Variants in ROBO1 observed in about 807,000 individuals in gnomAD.
ROBO1 encodes roundabout homolog 1.
In ROBO1, 149 loss-of-function variants were observed where a neutral mutation model predicts 195.9. The ratio of observed to expected loss-of-function variants is 0.76; its 90% CI spans 0.67 to 0.87. ROBO1 has a LOEUF of 0.87. ROBO1 is among the 40% of genes least tolerant of loss of function. The probability of loss-of-function intolerance (pLI) is 0.00; values close to 1 mark genes in which losing one functional copy is unlikely to be tolerated. For synonymous variants in ROBO1, 816 were observed against 733.2 expected (o/e 1.11, Z -1.82); for missense variants, 1,933 against 2,068.3 (o/e 0.93, Z 1.27).
intron 29 of ROBO1, among the ~76,000 whole-genome samples, chr3:78,602,593 G>T (rs1309630665): frequency 3.9e-5 from 6 of 152,112 alleles, no homozygotes. Flanking sequence ...AAATATAACT[G>T]TCATAAGGGG....
At chr3:79,742,767 C>T (rs989202759) in intron 1 of ROBO1, among the ~76,000 whole-genome samples, 3 of 152,120 alleles carry the variant, frequency 2.0e-5, no homozygotes, top group African/African-American at 4.8e-5. Context: ...CTGGTAATTC[C>T]TTTTCTTATT....
chr3:78,823,143 G>C (rs1401253320), intron 4 of ROBO1, among the ~76,000 whole-genome samples: 1 of 150,946 alleles, frequency 6.6e-6, no homozygotes, highest in East Asian at 1.9e-4. Context: ...TCAGCCTTTT[G>C]TGTTAAAGGA....
intron 2 of ROBO1, among the ~76,000 whole-genome samples, chr3:79,539,171 T>C (rs1232970000): frequency 1.3e-5 from 2 of 152,182 alleles, no homozygotes; most frequent in Admixed American, 1.3e-4. Flanking sequence ...AACATTACTT[T>C]AAGCCTGTCA....
chr3:79,433,007 AT>A (rs899580887), intron 2 of ROBO1, among the ~76,000 whole-genome samples: 1 of 152,142 alleles, frequency 6.6e-6, no homozygotes, highest in Non-Finnish European at 1.5e-5. Context: ...TTTAGAAAAC[AT>A]TTTTTAAATG....
At chr3:79,485,017 G>T (rs568376587) in intron 2 of ROBO1, among the ~76,000 whole-genome samples, 4 of 151,984 alleles carry the variant, frequency 2.6e-5, no homozygotes, top group Non-Finnish European at 5.9e-5. Flanking sequence ...CTCCCAAAGT[G>T]CTGGGATTAC....
At chr3:79,060,904 G>A (rs938309283) in intron 3 of ROBO1, among the ~76,000 whole-genome samples, 5 of 152,110 alleles carry the variant, frequency 3.3e-5, no homozygotes, top group Non-Finnish European at 7.4e-5. Flanking sequence ...TACTGAATGG[G>A]CAAAAACTGG....
intron 4 of ROBO1, among the ~76,000 whole-genome samples, chr3:78,887,206 C>A (rs78978672): frequency 3.3e-5 from 5 of 152,190 alleles, no homozygotes; most frequent in African/African-American, 1.2e-4. Flanking sequence ...TGTGGCATGA[C>A]GGCAGCAGGT....
chr3:79,178,071 T>G (rs1249571014), intron 2 of ROBO1, among the ~76,000 whole-genome samples: 1 of 152,222 alleles, frequency 6.6e-6, no homozygotes, highest in Non-Finnish European at 1.5e-5. Flanking sequence ...TATTAGCTTT[T>G]ACCTCGATTT....
chr3:79,541,883 A>C (rs1223071526), intron 2 of ROBO1, among the ~76,000 whole-genome samples: 2 of 151,174 alleles, frequency 1.3e-5, no homozygotes, highest in African/African-American at 4.8e-5. Context: ...GTAATATAGT[A>C]GTTCAAAATG....
At chr3:79,346,730 G>A (rs2035133799) in intron 2 of ROBO1, among the ~76,000 whole-genome samples, 1 of 151,900 alleles carries the variant, frequency 6.6e-6, no homozygotes, top group Admixed American at 6.6e-5. Context: ...TTCCTTAGGA[G>A]AGCTTCACAA....
At chr3:79,542,555 A>G (rs1044644939) in intron 2 of ROBO1, among the ~76,000 whole-genome samples, 2 of 152,102 alleles carry the variant, frequency 1.3e-5, no homozygotes, top group African/African-American at 4.8e-5. Flanking sequence ...TTTGTAGCAG[A>G]TTCACATTTT....
chr3:79,722,528 C>T (rs534083819), intron 1 of ROBO1, among the ~76,000 whole-genome samples: 121 of 152,258 alleles, frequency 7.9e-4, no homozygotes, highest in African/African-American at 2.7e-3. Context: ...TTGTTAACCC[C>T]GAGTAGCTGG....
chr3:79,745,538 C>A (rs1703836415), intron 1 of ROBO1, among the ~76,000 whole-genome samples: 1 of 152,142 alleles, frequency 6.6e-6, no homozygotes, highest in Admixed American at 6.6e-5. Context: ...TGGAGCCAGA[C>A]ACAGCTAGGG....
chr3:78,641,959 T>C (rs1475633183), intron 21 of ROBO1, among the ~76,000 whole-genome samples: 1 of 152,186 alleles, frequency 6.6e-6, no homozygotes, highest in East Asian at 1.9e-4. Context: ...TGAGCCATGA[T>C]TACTGGCCTA....
At chr3:78,659,447 T>G (rs2107657678) in intron 17 of ROBO1, among the ~76,000 whole-genome samples, 1 of 152,260 alleles carries the variant, frequency 6.6e-6, no homozygotes, top group East Asian at 1.9e-4. Flanking sequence ...AGGATGCACA[T>G]CAGAATCGCC....
chr3:79,197,442 T>C (rs867705481), intron 2 of ROBO1, among the ~76,000 whole-genome samples: 21 of 152,122 alleles, frequency 1.4e-4, no homozygotes, highest in African/African-American at 5.1e-4. Flanking sequence ...CTATCATTAA[T>C]GGACATTTTG....
At chr3:78,751,385 C>T (rs552253708) in intron 4 of ROBO1, among the ~76,000 whole-genome samples, 1 of 151,960 alleles carries the variant, frequency 6.6e-6, no homozygotes, top group African/African-American at 2.4e-5. Flanking sequence ...GTGTAAGGAA[C>T]CTTAGTAAGT....
chr3:79,615,140 A>T (rs552478811), intron 1 of ROBO1, among the ~76,000 whole-genome samples: 7 of 152,248 alleles, frequency 4.6e-5, no homozygotes, highest in Non-Finnish European at 8.8e-5. Flanking sequence ...CCGGTGTAAC[A>T]TTAAAACGGA....
At chr3:79,050,463 C>T (rs1284734661) in intron 3 of ROBO1, among the ~76,000 whole-genome samples, 1 of 151,946 alleles carries the variant, frequency 6.6e-6, no homozygotes, top group African/African-American at 2.4e-5. Flanking sequence ...ACTTTAACAC[C>T]CCACTACCAA....
Sources: gnomAD v4.1 joint callset for allele counts (sites outside exome capture counted in the v4.1 genomes callset) on GRCh38, gnomAD v4.1.1 for gene constraint, MANE v1.5 for transcripts, NCBI Gene and HGNC (gene_info 2026-07-23, HGNC 2026-07-21) for gene names.